METAP1: variants seen among roughly 807,000 people sequenced by gnomAD.
METAP1 encodes methionyl aminopeptidase 1.
METAP1 carries 28 observed loss-of-function variants against 53.8 expected under a neutral mutation model. The ratio of observed to expected loss-of-function variants is 0.52; its 90% CI spans 0.39 to 0.71. METAP1 has a LOEUF of 0.71. METAP1 is among the 30% of genes least tolerant of loss of function. The pLI, the probability that METAP1 is intolerant of heterozygous loss-of-function variation, is 0.00. For synonymous variants in METAP1, 181 were observed against 165.7 expected, an observed-to-expected ratio of 1.09 and a Z score of -0.71; for missense variants, 389 against 479.8, an observed-to-expected ratio of 0.81 and a Z score of 1.77.
chr4:99,023,690 G>A (rs1233946741), intron 1 of METAP1: 1 of 985,306 alleles, frequency 1.0e-6, no homozygotes, highest in Non-Finnish European at 1.2e-6. Context: ...AGAGGTTCAA[G>A]ATGGGGAGAT....
chr4:99,049,713 C>T (rs1378558160), intron 9 of METAP1, among the ~76,000 whole-genome samples: 1 of 152,160 alleles, frequency 6.6e-6, no homozygotes, highest in Non-Finnish European at 1.5e-5. Flanking sequence ...GCTAGATGAA[C>T]ACTTTCATCT....
chr4:99,047,352 G>A (rs1726341545), intron 8 of METAP1, among the ~76,000 whole-genome samples: 1 of 152,150 alleles, frequency 6.6e-6, no homozygotes, highest in South Asian at 2.1e-4. Flanking sequence ...AATATCTCTA[G>A]ATACTACCCT....
intron 1 of METAP1, chr4:99,026,559 A>G: frequency 1.0e-6 from 1 of 985,410 alleles, no homozygotes; most frequent in Non-Finnish European, 1.2e-6. Flanking sequence ...GGGGACCTCT[A>G]AATCTAGGTT....
intron 1 of METAP1, among the ~76,000 whole-genome samples, chr4:99,015,754 C>T (rs141053838): frequency 7.2e-5 from 11 of 152,120 alleles, no homozygotes; most frequent in South Asian, 6.2e-4. Flanking sequence ...TGTAGGTCCC[C>T]GCATGGCATC....
At position 99,022,377 on chromosome 4, in the gene METAP1, G is replaced by A. The variant is rs570705517; in HGVS notation, c.115-6490G>A. 4.7e-5 allele frequency: 41 copies of A among 873,026 alleles called. No homozygotes were observed. The South Asian group carries it at 1.5e-3, about 31-fold the overall frequency. The allele number at this position is 873,026 out of a possible 1,614,324, so 54.1% of individuals were successfully genotyped here. ...AGGGTGGCGGGGCTCCAAAGATCCTGGCCAGGAGTGCTTTGTTGGAGTGGG... is the reference window on the plus strand; with the variant it reads ...AGGGTGGCGGGGCTCCAAAGATCCTAGCCAGGAGTGCTTTGTTGGAGTGGG... On this transcript the variant is annotated intron_variant, in intron 1 of 10. Transcript: ENST00000296411.
rs1002002680 is a variant in METAP1 at position 99,048,786 on chromosome 4, C to T, written c.841C>T (p.Gln281Ter). 1.2e-6 allele frequency: 2 copies of T among 1,613,954 alleles called. No homozygotes were observed. The highest frequency in any genetic ancestry group is 1.7e-6 in the Non-Finnish European group (2 of 1,179,862). The part of the protein sequence containing the change: ...ELGNIIQKHA[Q>*]ANGFSVVRSY... ...GGGAAACATTATCCAGAAGCATGCC[C>T]AAGCAAATGGGTTTTCAGTTGTTCG... Residue 281 changes from glutamine (Q) to a stop codon, truncating the protein, a stop_gained, in exon 9 of 11, where the codon CAA becomes TAA. Transcript: ENST00000296411. LOFTEE classifies it high-confidence loss of function.
chr4:99,043,320 A>C lies in METAP1; in HGVS notation c.588A>C (p.Ser196=). 6.2e-7 allele frequency: 1 copy of C among 1,606,702 alleles called. No homozygotes were observed. The highest frequency in any genetic ancestry group is 8.5e-7 in the Non-Finnish European group (1 of 1,175,920). ...YYNFPKSCCT[S]VNEVICHGIP... is the part of the protein sequence containing the mutation. ...ATTTCCCAAAGTCTTGTTGTACCTC[A>C]GTGAATGAAGTCATTTGCCATGGAA... is the stretch of plus-strand genomic sequence containing the variant. Residue 196 remains serine (S), a synonymous_variant, in exon 7 of 11, where the codon TCA becomes TCC. Transcript: ENST00000296411.
At chr4:99,028,783 T>C in intron 1 of METAP1, 84 bp from the exon 2 acceptor site, 1 of 992,046 alleles carries the variant, frequency 1.0e-6, no homozygotes, top group Admixed American at 3.0e-5. Flanking sequence ...TAGTTTACAA[T>C]AACTCTTGCT....
At chr4:99,024,986 T>C (rs1258655393) in intron 1 of METAP1, among the ~76,000 whole-genome samples, 2 of 152,210 alleles carry the variant, frequency 1.3e-5, no homozygotes, top group Admixed American at 1.3e-4. Flanking sequence ...CCTGGCTCCT[T>C]GCATGTGCAG....
intron 1 of METAP1, among the ~76,000 whole-genome samples, chr4:99,020,331 C>G (rs1724021938): frequency 6.6e-6 from 1 of 152,212 alleles, no homozygotes; most frequent in Non-Finnish European, 1.5e-5. Flanking sequence ...AGTTGTACCC[C>G]TACCCTGTGG....
At chr4:99,033,538 C>A (rs1725209320) in intron 2 of METAP1, among the ~76,000 whole-genome samples, 1 of 152,140 alleles carries the variant, frequency 6.6e-6, no homozygotes, top group Non-Finnish European at 1.5e-5. Flanking sequence ...TTTCAGTCAG[C>A]ACACATAGAT....
At chr4:99,049,914 T>C (rs1726570361) in intron 9 of METAP1, among the ~76,000 whole-genome samples, 1 of 152,256 alleles carries the variant, frequency 6.6e-6, no homozygotes, top group South Asian at 2.1e-4. Context: ...ATCACAACTC[T>C]ATGGATAACT....
chr4:99,058,947 A>G (rs780761382), intron 10 of METAP1, among the ~76,000 whole-genome samples: 1 of 152,214 alleles, frequency 6.6e-6, no homozygotes, highest in East Asian at 1.9e-4. Context: ...ATGTGCAGTA[A>G]AGTTTTTGTC....
At chr4:99,014,126 C>T (rs1388511325) in intron 1 of METAP1, among the ~76,000 whole-genome samples, 1 of 152,166 alleles carries the variant, frequency 6.6e-6, no homozygotes, top group East Asian at 1.9e-4. Context: ...TAGAAGTATA[C>T]CTAACACAGT....
intron 1 of METAP1, among the ~76,000 whole-genome samples, chr4:99,021,443 G>C (rs1482597751): frequency 6.6e-6 from 1 of 152,110 alleles, no homozygotes; most frequent in African/African-American, 2.4e-5. Context: ...GGGCAGCTGG[G>C]TGCCTCCCCA....
intron 8 of METAP1, 121 bp downstream of exon 8, chr4:99,045,431 A>G (rs1166542702): frequency 2.7e-6 from 3 of 1,109,288 alleles, no homozygotes; most frequent in Non-Finnish European, 3.7e-6. Context: ...TACCTGAGTT[A>G]GCTTTGGTTG....
At chr4:98,999,026 C>T (rs972178940) in intron 1 of METAP1, among the ~76,000 whole-genome samples, 5 of 152,094 alleles carry the variant, frequency 3.3e-5, no homozygotes, top group Non-Finnish European at 7.4e-5. Context: ...AGGCTGGTCT[C>T]GAACTGCTGA....
intron 1 of METAP1, among the ~76,000 whole-genome samples, chr4:99,012,151 C>T (rs547318153): frequency 6.6e-6 from 1 of 152,210 alleles, no homozygotes; most frequent in Admixed American, 6.5e-5. Context: ...TCCTTCCCAC[C>T]TCAGTCTTCC....
At chr4:99,043,194 AT>A (rs1725999789) in intron 6 of METAP1, 54 bp from the exon 7 acceptor site, 2 of 1,323,682 alleles carry the variant, frequency 1.5e-6, no homozygotes, top group African/African-American at 3.0e-5. Context: ...AAAATCTGTA[AT>A]TTCATACAGA....
Sources: gnomAD v4.1 joint callset for allele counts (sites outside exome capture counted in the v4.1 genomes callset) on GRCh38, gnomAD v4.1.1 for gene constraint, MANE v1.5 for transcripts, NCBI Gene and HGNC (gene_info 2026-07-23, HGNC 2026-07-21) for gene names.